TOP1MT: variants seen among roughly 807,000 people sequenced by gnomAD.
The protein encoded by TOP1MT is DNA topoisomerase I, mitochondrial.
Under a neutral mutation model 73.9 loss-of-function variants are expected in TOP1MT, and 80 were observed. That is an observed-to-expected ratio of 1.08 (90% CI 0.90 to 1.30). TOP1MT has a LOEUF of 1.30. TOP1MT is among the 50% of genes most tolerant of loss of function. The pLI is 0.00. For synonymous variants in TOP1MT, 338 were observed against 326.4 expected, an observed-to-expected ratio of 1.04 and a Z score of -0.38; for missense variants, 815 against 808.0, an observed-to-expected ratio of 1.01 and a Z score of -0.10.
intron 1 of TOP1MT, among the ~76,000 whole-genome samples, chr8:143,352,580 A>G (rs1215183657): frequency 6.6e-6 from 1 of 152,222 alleles, no homozygotes; most frequent in Non-Finnish European, 1.5e-5. Flanking sequence ...CTCTTAGAAA[A>G]AAACATAGGT....
At chr8:143,343,947 C>T (rs1817176489) in intron 1 of TOP1MT, 1 of 152,694 alleles carries the variant, frequency 6.5e-6, no homozygotes, top group South Asian at 2.1e-4. Context: ...CATCACAACA[C>T]ACGCCCACAT....
chr8:143,322,662 G>GCACGCCACACACA (rs1816503765), intron 7 of TOP1MT, among the ~76,000 whole-genome samples: 2 of 72,088 alleles, frequency 2.8e-5, no homozygotes, highest in Non-Finnish European at 5.1e-5. Context: ...CACCACACAC[G>GCACGCCACACACA]CACGCCACAC....
chr8:143,355,733 C>T (rs532400648), intron 1 of TOP1MT, among the ~76,000 whole-genome samples: 9 of 151,852 alleles, frequency 5.9e-5, no homozygotes, highest in Non-Finnish European at 1.2e-4. Flanking sequence ...GACCTCTGCA[C>T]CTGTCAGAGG....
chr8:143,329,297 A>G (rs1457197576), intron 3 of TOP1MT, 53 bp downstream of exon 3: 1 of 1,521,680 alleles, frequency 6.6e-7, no homozygotes, highest in African/African-American at 1.4e-5. Flanking sequence ...AGAACCGCAG[A>G]CGCCTAGCCA....
intron 5 of TOP1MT, among the ~76,000 whole-genome samples, chr8:143,325,128 A>G (rs893657524): frequency 1.3e-5 from 2 of 152,234 alleles, no homozygotes; most frequent in African/African-American, 2.4e-5. Flanking sequence ...AGAAAGTCTC[A>G]GCCATAGCAA....
At chr8:143,323,702 G>A (rs958422553) in intron 7 of TOP1MT, among the ~76,000 whole-genome samples, 1 of 35,922 alleles carries the variant, frequency 2.8e-5, no homozygotes, top group Non-Finnish European at 6.7e-5. Flanking sequence ...ACACACACAG[G>A]CACACCACAC....
At chr8:143,310,410 A>C (rs2129814759) in intron 12 of TOP1MT, 193 bp from the exon 13 acceptor site, 1 of 499,786 alleles carries the variant, frequency 2.0e-6, no homozygotes, top group East Asian at 3.2e-5. Flanking sequence ...CTGCCAAGTC[A>C]GATACAGAGG....
chr8:143,317,425 T>C (rs1231868522), intron 10 of TOP1MT, among the ~76,000 whole-genome samples: 1 of 152,162 alleles, frequency 6.6e-6, no homozygotes, highest in South Asian at 2.1e-4. Context: ...GAAAGAACCC[T>C]GAGGAGGAGC....
At chr8:143,313,788 G>T (rs1816077481) in intron 12 of TOP1MT, among the ~76,000 whole-genome samples, 2 of 151,276 alleles carry the variant, frequency 1.3e-5, no homozygotes, top group Admixed American at 1.3e-4. Flanking sequence ...CCTGGAGGCA[G>T]AGATTGCAGT....
At chr8:143,342,676 CTAT>C (rs750383074) in intron 2 of TOP1MT, among the ~76,000 whole-genome samples, 1,225 of 26,942 alleles carry the variant, frequency 0.045, 506 homozygotes, top group African/African-American at 0.14. Flanking sequence ...CAGTCTCGCT[CTAT>C]TATTATTATT....
intron 2 of TOP1MT, among the ~76,000 whole-genome samples, chr8:143,342,888 G>A (rs572595143): frequency 5.4e-4 from 82 of 151,512 alleles, no homozygotes; most frequent in Non-Finnish European, 7.2e-4. Flanking sequence ...GGGTTCAAGC[G>A]ATTCTCCTGC....
At chr8:143,339,127 C>T (rs1412647600), upstream of TOP1MT, among the ~76,000 whole-genome samples, 2 of 152,164 alleles carry the variant, frequency 1.3e-5, no homozygotes, top group Non-Finnish European at 1.5e-5. Flanking sequence ...AGGTGGGAGG[C>T]GGCGCCGCCC....
chr8:143,346,976 TA>T (rs1249200877), upstream of TOP1MT, among the ~76,000 whole-genome samples: 9 of 150,970 alleles, frequency 6.0e-5, no homozygotes, highest in Non-Finnish European at 1.3e-4. Flanking sequence ...TTTATTTATT[TA>T]TTTATTTATT....
At chr8:143,343,578 A>C (rs1414498518) in intron 1 of TOP1MT, 1 of 263,808 alleles carries the variant, frequency 3.8e-6, no homozygotes, top group Non-Finnish European at 7.6e-6. Context: ...GCAGGCAGTA[A>C]AAGGCAGCTC....
At chr8:143,321,011 C>T (rs1281065491) in intron 8 of TOP1MT, among the ~76,000 whole-genome samples, 190 bp downstream of exon 8, 1 of 152,286 alleles carries the variant, frequency 6.6e-6, no homozygotes, top group East Asian at 1.9e-4. Flanking sequence ...CCCTTGTGAA[C>T]CCTTGGGTCT....
At chr8:143,323,471 CCA>C (rs201677098) in intron 7 of TOP1MT, among the ~76,000 whole-genome samples, 20 of 113,864 alleles carry the variant, frequency 1.8e-4, no homozygotes, top group Non-Finnish European at 3.2e-4. Context: ...CACATGCTCA[CCA>C]CACACGCACG....
intron 7 of TOP1MT, among the ~76,000 whole-genome samples, chr8:143,323,150 ACGC>A (rs1816567703): frequency 2.1e-5 from 2 of 94,630 alleles, no homozygotes; most frequent in Admixed American, 1.2e-4. Context: ...ACACACAGGC[ACGC>A]CACACAGGCA....
chr8:143,353,366 T>C (rs1365659756), intron 1 of TOP1MT, among the ~76,000 whole-genome samples: 2 of 151,062 alleles, frequency 1.3e-5, no homozygotes, highest in African/African-American at 4.9e-5. Flanking sequence ...CAGTGAGCTA[T>C]GACGGTGTCA....
chr8:143,345,886 T>C (rs1586783211), upstream of TOP1MT, among the ~76,000 whole-genome samples: 1 of 152,098 alleles, frequency 6.6e-6, no homozygotes, highest in African/African-American at 2.4e-5. Context: ...CTGTGGAGGG[T>C]CTGATTCTGC....
Sources: gnomAD v4.1 joint callset for allele counts (sites outside exome capture counted in the v4.1 genomes callset) on GRCh38, gnomAD v4.1.1 for gene constraint, MANE v1.5 for transcripts, NCBI Gene and HGNC (gene_info 2026-07-23, HGNC 2026-07-21) for gene names.